Variants in PXDNL observed in about 807,000 individuals in gnomAD.
PXDNL encodes probable oxidoreductase PXDNL.
A neutral mutation model predicts 150.8 loss-of-function variants in PXDNL; 145 were observed. The observed-to-expected ratio is 0.96, with a 90% CI of 0.84 to 1.10. The LOEUF (loss-of-function observed/expected upper bound fraction) is 1.10. Ranked by LOEUF, PXDNL falls within the 50% of genes least tolerant of loss-of-function variation. The pLI is 0.00. For missense variants in PXDNL, 2,087 were observed against 1,873.9 expected, an observed-to-expected ratio of 1.11 and a Z score of -2.10; for synonymous variants, 757 against 725.7, an observed-to-expected ratio of 1.04 and a Z score of -0.69.
At chr8:51,696,805 T>TCTCACACACA (rs1816149493) in intron 1 of PXDNL, among the ~76,000 whole-genome samples, 3 of 26,372 alleles carry the variant, frequency 1.1e-4, no homozygotes, top group African/African-American at 7.2e-4. Context: ...ACATAGGTCT[T>TCTCACACACA]CACACACACA....
chr8:51,544,639 G>A (rs991174107), intron 4 of PXDNL, among the ~76,000 whole-genome samples: 3 of 152,126 alleles, frequency 2.0e-5, no homozygotes, highest in African/African-American at 7.2e-5. Context: ...AAAGAATAAG[G>A]CTAACAAATC....
intron 8 of PXDNL, among the ~76,000 whole-genome samples, chr8:51,465,944 T>A (rs919298725): frequency 2.0e-5 from 3 of 152,046 alleles, no homozygotes; most frequent in African/African-American, 7.2e-5. Flanking sequence ...ATTGGAAGAA[T>A]CAATATTGTT....
intron 4 of PXDNL, among the ~76,000 whole-genome samples, chr8:51,533,307 C>T (rs966757015): frequency 2.0e-5 from 3 of 152,000 alleles, no homozygotes; most frequent in African/African-American, 7.2e-5. Context: ...TGCACCACCA[C>T]GCCTGGCTAA....
intron 2 of PXDNL, among the ~76,000 whole-genome samples, chr8:51,650,403 T>C (rs1318103961): frequency 6.6e-6 from 1 of 152,200 alleles, no homozygotes; most frequent in African/African-American, 2.4e-5. Context: ...GTATAAAAGT[T>C]TGAAAAATAG....
Position 51,495,458 on chromosome 8 carries a change from CA to C in PXDNL, c.452+4240del, listed in dbSNP as rs540065366. ...AGCAGAATTGAAGGAAATAGAGACA[CA>C]AAAAACCCTTCAAAAAATCAATGAA... On this transcript the variant is annotated intron_variant, in intron 5 of 22. Transcript: ENST00000356297. 2.0e-3 allele frequency among the ~76,000 whole-genome samples: 300 copies of C among 152,040 alleles called. 2 individuals are homozygous for C. The highest frequency in any genetic ancestry group is 4.5e-3 in the Admixed American group (69 of 15,272).
At chr8:51,720,133 CT>C in intron 1 of PXDNL, among the ~76,000 whole-genome samples, 1 of 150,866 alleles carries the variant, frequency 6.6e-6, no homozygotes, top group East Asian at 1.9e-4. Flanking sequence ...ACAGTATTTT[CT>C]TTTTTATAAT....
intron 4 of PXDNL, among the ~76,000 whole-genome samples, chr8:51,548,516 G>A (rs898799972): frequency 2.0e-5 from 3 of 152,162 alleles, no homozygotes; most frequent in Non-Finnish European, 2.9e-5. Context: ...TACAAGCCAG[G>A]ATTGAGGTTC....
chr8:51,809,319 G>A lies in PXDNL; in HGVS notation c.26C>T (p.Thr9Ile). The change falls in exon 1 of 23, where the codon ACC (threonine) becomes ATC (isoleucine). Residue 9 changes from threonine to isoleucine, a missense_variant. By Grantham distance (89) the Thr-to-Ile change is moderately conservative. Coordinates refer to ENST00000356297, the MANE Select transcript of PXDNL (RefSeq NM_144651.5). ...CCACCCGGCCAGGAGAAAGAGAGTG[G>A]TCCAGCAGAACAGTCTGGGCTCCAT... Reference protein sequence around the residue: MEPRLFCWTTLFLLAGWCL... With the variant: MEPRLFCWITLFLLAGWCL... 1.3e-6 allele frequency: 2 copies of A among 1,566,142 alleles called. No homozygotes were observed. Among genetic ancestry groups the A allele is most frequent in the Non-Finnish European group, 1.7e-6 (2 of 1,155,476 alleles).
In PXDNL at chr8:51,809,261, G is replaced by GCAC; in HGVS notation, c.81_83dup (p.Arg27_Cys28insTrp). ...AGCGGACGGTGCTCTTAAAGCAAAG[G>GCAC]CACCGGCTGGGGCAGGGCAACCCTG... is the stretch of plus-strand genomic sequence containing the variant. On this transcript the variant is annotated inframe_insertion, in exon 1 of 23. Coordinates refer to ENST00000356297, the MANE Select transcript of PXDNL (RefSeq NM_144651.5). 4 of 1,607,012 alleles carry GCAC rather than the reference G, an allele frequency of 2.5e-6. No homozygotes were observed. Among genetic ancestry groups the GCAC allele is most frequent in the Non-Finnish European group, 3.4e-6 (4 of 1,176,692 alleles).
At chr8:51,348,681 CAT>C (rs1340233227) in intron 19 of PXDNL, among the ~76,000 whole-genome samples, 3 of 152,148 alleles carry the variant, frequency 2.0e-5, no homozygotes, top group South Asian at 2.1e-4. Flanking sequence ...TGTATATATA[CAT>C]ACATGTTTTC....
At chr8:51,368,949 TTGCACCAC>T (rs1397454947) in intron 19 of PXDNL, among the ~76,000 whole-genome samples, 1 of 152,012 alleles carries the variant, frequency 6.6e-6, no homozygotes, top group Non-Finnish European at 1.5e-5. Context: ...TGAGCCGAGA[TTGCACCAC>T]TGCACTCCAG....
chr8:51,485,712 C>A (rs1375468108), intron 5 of PXDNL, among the ~76,000 whole-genome samples: 3 of 152,168 alleles, frequency 2.0e-5, no homozygotes, highest in Non-Finnish European at 4.4e-5. Context: ...GGAGTTCAGC[C>A]CAATCTTTCT....
At chr8:51,467,296 G>A (rs1273904984) in intron 8 of PXDNL, among the ~76,000 whole-genome samples, 6 of 151,950 alleles carry the variant, frequency 3.9e-5, no homozygotes, top group Admixed American at 1.3e-4. Flanking sequence ...GAACAACAAC[G>A]ACAACAAACA....
At chr8:51,709,254 CT>C (rs545270965) in intron 1 of PXDNL, among the ~76,000 whole-genome samples, 1,750 of 145,716 alleles carry the variant, frequency 0.012, 24 homozygotes, top group African/African-American at 0.033. Flanking sequence ...CCCCAAATCC[CT>C]TTTTTTTTTT....
At chr8:51,557,123 G>A (rs10504123) in intron 3 of PXDNL, among the ~76,000 whole-genome samples, 42,583 of 151,876 alleles carry the variant, frequency 0.28, 7,566 homozygotes, top group African/African-American at 0.5. Context: ...ATGGATCCTT[G>A]GTTCAAAATA....
At chr8:51,448,805 G>A (rs187691608) in intron 11 of PXDNL, among the ~76,000 whole-genome samples, 197 bp downstream of exon 11, 10 of 152,258 alleles carry the variant, frequency 6.6e-5, no homozygotes, top group African/African-American at 2.4e-4. Flanking sequence ...ATCTCAGGAA[G>A]GCCACACACT....
chr8:51,591,159 G>C (rs1475590659), intron 3 of PXDNL, among the ~76,000 whole-genome samples: 1 of 152,076 alleles, frequency 6.6e-6, no homozygotes, highest in Non-Finnish European at 1.5e-5. Flanking sequence ...CTTCCATCAT[G>C]TTAGGATACA....
At chr8:51,731,105 G>A (rs1043807702) in intron 1 of PXDNL, among the ~76,000 whole-genome samples, 3 of 152,118 alleles carry the variant, frequency 2.0e-5, no homozygotes, top group African/African-American at 7.2e-5. Context: ...ATTCATGTCA[G>A]CATTAATACA....
intron 1 of PXDNL, among the ~76,000 whole-genome samples, chr8:51,735,325 A>AG (rs1456908134): frequency 2.6e-5 from 4 of 151,654 alleles, no homozygotes; most frequent in African/African-American, 9.7e-5. Context: ...TACTAAAAAA[A>AG]AAGACAAAAA....
Sources: allele counts gnomAD v4.1 joint callset (sites outside exome capture counted in the v4.1 genomes callset), GRCh38; gene constraint gnomAD v4.1.1; transcripts MANE v1.5; gene names NCBI Gene and HGNC (gene_info 2026-07-23, HGNC 2026-07-21).